The following ELMO2 variants were observed in gnomAD, a reference collection of about 807,000 sequenced individuals.
The protein encoded by ELMO2 is engulfment and cell motility 2, also known as engulfment and cell motility protein 2.
Under a neutral mutation model 96.2 loss-of-function variants are expected in ELMO2, and 37 were observed. That is an observed-to-expected ratio of 0.38 (90% CI 0.30 to 0.51). The LOEUF is 0.51. Ranked by LOEUF, ELMO2 falls within the 20% of genes least tolerant of loss-of-function variation. The pLI, the probability that ELMO2 is intolerant of heterozygous loss-of-function variation, is 0.88. For missense variants in ELMO2, 561 were observed against 912.6 expected (o/e 0.61, Z 4.96); for synonymous variants, 315 against 329.4 (o/e 0.96, Z 0.47).
chr20:46,370,575 C>A lies in ELMO2; in HGVS notation c.1802-50G>T, dbSNP rs1600818887. ...CTGGAAGTTCATGCTGCAAGCTGGT[C>A]AGTGCCTACATCAGTGCTGGAAGGG... is the stretch of plus-strand genomic sequence containing the variant. On this transcript the variant is annotated intron_variant, in intron 19 of 21. Transcript: ENST00000290246. 4 of 1,557,212 alleles carry A rather than the reference C, an allele frequency of 2.6e-6. No homozygotes were observed. In the South Asian group the frequency reaches 4.5e-5, roughly 17 times the overall value.
intron 2 of ELMO2, among the ~76,000 whole-genome samples, chr20:46,395,459 C>T (rs886531209): frequency 2.6e-5 from 4 of 152,210 alleles, no homozygotes; most frequent in Non-Finnish European, 5.9e-5. Context: ...AGAGGCCCCT[C>T]TCTTAATGAA....
rs1380512190 is a variant in ELMO2, at chr20:46,375,063, TCA to T, written c.1065+171_1065+172del. ...ACAGGGCCAAACTTTGCACATAAAC[TCA>T]CAGACTCACCATCAACAAAGCAAAG... On this transcript the variant is annotated intron_variant, in intron 13 of 21. Coordinates refer to ENST00000290246, the MANE Select transcript of ELMO2 (RefSeq NM_133171.5). The surrounding 1 kb of genome is among the most constrained non-coding windows in gnomAD (Gnocchi z 4.6). 6.6e-6 allele frequency among the ~76,000 whole-genome samples: 1 copy of T among 152,028 alleles called. No homozygotes were observed. Among genetic ancestry groups the T allele is most frequent in the Non-Finnish European group, 1.5e-5 (1 of 68,004 alleles).
chr20:46,406,386 C>T (rs1459507373), intron 1 of ELMO2, among the ~76,000 whole-genome samples, 162 bp downstream of exon 1: 1 of 152,210 alleles, frequency 6.6e-6, no homozygotes, highest in Non-Finnish European at 1.5e-5. Context: ...GGGGGCCTGA[C>T]GAGCCGGCGC....
chr20:46,392,524 C>T (rs2145837565), intron 6 of ELMO2, among the ~76,000 whole-genome samples: 1 of 152,288 alleles, frequency 6.6e-6, no homozygotes, highest in Non-Finnish European at 1.5e-5. Context: ...CTAAACATAA[C>T]ATATCTTCCT....
chr20:46,375,378 G>A lies in ELMO2; in HGVS notation c.931-8C>T. 6.2e-7 allele frequency: 1 copy of A among 1,613,342 alleles called. No individual in the cohort carries two copies. The highest frequency in any genetic ancestry group is 8.5e-7 in the Non-Finnish European group (1 of 1,179,380). On this transcript the variant is annotated splice_polypyrimidine_tract_variant and splice_region_variant and intron_variant, in intron 12 of 21. Transcript: ENST00000290246. This position sits in a 1 kb window ranked among gnomAD's most constrained non-coding sequence, Gnocchi z 4.6. ...TATGATGTCCCTTTGAGCCTGCGAGGTGAAACAGACAGTCAGCAGGTGAAT... is the reference window on the plus strand; with the variant it reads ...TATGATGTCCCTTTGAGCCTGCGAGATGAAACAGACAGTCAGCAGGTGAAT...
Position 46,375,706 on chromosome 20 carries a change from C to G in ELMO2, c.892G>C (p.Glu298Gln). ...VLQVLTFNLL[E>Q]ERMMTKMDPN... is the part of the protein sequence containing the mutation. ...TCCATCTTGGTCATCATCCTTTCTT[C>G]CAGAAGGTTAAAGGTTAGGACTTGA... The change falls in exon 12 of 22, where the codon GAA becomes CAA. Residue 298 changes from glutamate (E) to glutamine (Q), a missense_variant. Coordinates refer to ENST00000290246, the MANE Select transcript of ELMO2 (RefSeq NM_133171.5). The surrounding 1 kb of genome is among the most constrained non-coding windows in gnomAD (Gnocchi z 4.6). 1.2e-6 allele frequency: 2 copies of G among 1,614,162 alleles called. No homozygotes were observed.
At chr20:46,388,362 T>C (rs1346992791) in intron 7 of ELMO2, among the ~76,000 whole-genome samples, 1 of 152,214 alleles carries the variant, frequency 6.6e-6, no homozygotes, top group East Asian at 1.9e-4. Context: ...ATAGTTGATC[T>C]ATGGGCTGAG....
At chr20:46,377,233 T>C (rs896720560) in intron 11 of ELMO2, among the ~76,000 whole-genome samples, 6 of 152,198 alleles carry the variant, frequency 3.9e-5, no homozygotes, top group Admixed American at 1.3e-4. Context: ...GAAGCCTTAG[T>C]AGGAAAAAAG....
intron 1 of ELMO2, among the ~76,000 whole-genome samples, 183 bp downstream of exon 1, chr20:46,406,365 C>T (rs1331528421): frequency 6.6e-6 from 1 of 152,198 alleles, no homozygotes; most frequent in Non-Finnish European, 1.5e-5. Flanking sequence ...CCGGCAGGGC[C>T]GCCACCCCTC....
chr20:46,384,872 TG>T lies in ELMO2; in HGVS notation c.677+1251del, dbSNP rs568128967. On this transcript the variant is annotated intron_variant, in intron 9 of 21. Coordinates refer to ENST00000290246, the MANE Select transcript of ELMO2 (RefSeq NM_133171.5). ...ATTCCAGCTACTCGGGAGGCTGAGA[TG>T]GGGAGGATCGCTTGAGCCTGCAGTG... 6.1e-3 allele frequency among the ~76,000 whole-genome samples: 921 copies of T among 150,528 alleles called. 10 individuals are homozygous for T. The highest frequency in any genetic ancestry group is 0.01 in the Non-Finnish European group (678 of 67,714).
At chr20:46,403,574 C>A (rs1021354046) in intron 1 of ELMO2, among the ~76,000 whole-genome samples, 9 of 152,230 alleles carry the variant, frequency 5.9e-5, no homozygotes, top group African/African-American at 2.2e-4. Context: ...GCCAAGACAG[C>A]CACTTTGCAG....
At position 46,374,564 on chromosome 20, in the gene ELMO2, G is replaced by C. The variant is rs781764033; in HGVS notation, c.1142C>G (p.Ala381Gly). Reference protein sequence around the residue: ...MLALDNMLYLAKVHQDTYIRI... With the variant: ...MLALDNMLYLGKVHQDTYIRI... The stretch of plus-strand genomic sequence containing the variant: ...GATGTAGGTGTCCTGGTGGACTTTA[G>C]CCAAGTACAGCATGTTGTCCAAGGC... Residue 381 changes from alanine to glycine, a missense_variant, in exon 14 of 22, where the codon GCT (alanine) becomes GGT (glycine). Transcript: ENST00000290246. 2 of 1,614,072 alleles carry C rather than the reference G, an allele frequency of 1.2e-6. No individual in the cohort carries two copies. Among genetic ancestry groups the C allele is most frequent in the African/African-American group, 2.7e-5 (2 of 74,924 alleles).
intron 1 of ELMO2, among the ~76,000 whole-genome samples, chr20:46,401,465 G>T (rs958079505): frequency 1.3e-5 from 2 of 152,174 alleles, no homozygotes; most frequent in African/African-American, 4.8e-5. Flanking sequence ...GAAGGGGTGT[G>T]GGGGCAGGGG....
chr20:46,370,913 C>G (rs1453679351), intron 19 of ELMO2, among the ~76,000 whole-genome samples: 3 of 152,228 alleles, frequency 2.0e-5, no homozygotes, highest in Non-Finnish European at 4.4e-5. Flanking sequence ...GCCAACCACT[C>G]TTCTAAGTGC....
At position 46,403,370 on chromosome 20, in the gene ELMO2, C is replaced by A. The variant is rs571861737; in HGVS notation, c.-126+3178G>T. On this transcript the variant is annotated intron_variant, in intron 1 of 21. Coordinates refer to ENST00000290246, the MANE Select transcript of ELMO2 (RefSeq NM_133171.5). ...TGCCTGGCAAATAAGAAGTGCTCAACAAATATTTTCTAGTGACTCACATGA... is the reference window on the plus strand; with the variant it reads ...TGCCTGGCAAATAAGAAGTGCTCAAAAAATATTTTCTAGTGACTCACATGA... Among the ~76,000 whole-genome samples, 3 of 152,304 alleles carry A rather than the reference C, an allele frequency of 2.0e-5. No individual in the cohort carries two copies. The East Asian group carries it at 5.8e-4, about 29-fold the overall frequency.
At position 46,374,098 on chromosome 20, in the gene ELMO2, G is replaced by GT. The variant is rs60843274; in HGVS notation, c.1279+233dup. On this transcript the variant is annotated intron_variant, in intron 15 of 21. Coordinates refer to ENST00000290246, the MANE Select transcript of ELMO2 (RefSeq NM_133171.5). ...TGCACTACCAGTTGGCTAATTTTTG[G>GT]TTTTTTTTTTTTTTTTTTTTTTTTT... is the stretch of plus-strand genomic sequence containing the variant. Among the ~76,000 whole-genome samples, 1,576 of 63,044 alleles carry GT rather than the reference G, an allele frequency of 0.025. 99 individuals are homozygous for GT. Among genetic ancestry groups the GT allele is most frequent in the African/African-American group, 0.079 (1,266 of 16,096 alleles). The allele number at this position is 63,044 out of a possible 152,430, so 41.4% of individuals were successfully genotyped here.
intron 2 of ELMO2, among the ~76,000 whole-genome samples, chr20:46,396,058 G>T (rs1002997751): frequency 3.3e-5 from 5 of 152,256 alleles, no homozygotes; most frequent in Admixed American, 3.3e-4. Flanking sequence ...AGCCTAAAGG[G>T]ATTGAAGTGG....
intron 11 of ELMO2, chr20:46,376,879 T>C: frequency 8.5e-7 from 1 of 1,182,590 alleles, no homozygotes; most frequent in South Asian, 1.5e-5. Context: ...TTAAATCAGT[T>C]AAAACAAATT....
chr20:46,384,762 C>T (rs905566228), intron 9 of ELMO2, among the ~76,000 whole-genome samples: 1 of 150,844 alleles, frequency 6.6e-6, no homozygotes, highest in African/African-American at 2.4e-5. Context: ...AGTTTGAGAC[C>T]AGCCTGGACA....
Sources: allele counts gnomAD v4.1 joint callset (sites outside exome capture counted in the v4.1 genomes callset), GRCh38; gene constraint gnomAD v4.1.1; non-coding constraint Gnocchi (gnomAD v3.1); transcripts MANE v1.5; gene names NCBI Gene and HGNC (gene_info 2026-07-23, HGNC 2026-07-21).